The following SCN9A variants were observed in gnomAD, a reference collection of about 807,000 sequenced individuals.
SCN9A encodes sodium channel protein type 9 subunit alpha.
Under a neutral mutation model 187.0 loss-of-function variants are expected in SCN9A, and 131 were observed. The ratio of observed to expected loss-of-function variants is 0.70; its 90% CI spans 0.61 to 0.81. The LOEUF (loss-of-function observed/expected upper bound fraction) is 0.81. Ranked by LOEUF, SCN9A falls within the 30% of genes least tolerant of loss-of-function variation. SCN9A has a pLI of 0.00. For missense variants in SCN9A, 2,252 were observed against 2,396.6 expected, an observed-to-expected ratio of 0.94 and a Z score of 1.26; for synonymous variants, 809 against 808.6, an observed-to-expected ratio of 1.00 and a Z score of -0.01.
intron 20 of SCN9A, among the ~76,000 whole-genome samples, chr2:166,235,345 C>T (rs1295732317): frequency 3.9e-5 from 6 of 152,028 alleles, no homozygotes; most frequent in Admixed American, 3.9e-4. Flanking sequence ...TATAAACACA[C>T]ACGTATATAT....
At chr2:166,358,724 A>T (rs1181023248) in intron 1 of SCN9A, among the ~76,000 whole-genome samples, 1 of 152,180 alleles carries the variant, frequency 6.6e-6, no homozygotes, top group Non-Finnish European at 1.5e-5. Flanking sequence ...CTTAGAAAAT[A>T]ATTTCTACTT....
intron 1 of SCN9A, among the ~76,000 whole-genome samples, chr2:166,313,111 T>C (rs1366037861): frequency 6.7e-6 from 1 of 149,406 alleles, no homozygotes; most frequent in Admixed American, 6.7e-5. Flanking sequence ...ATTTTCTGAA[T>C]AGTAAATAAT....
chr2:166,368,754 T>TA (rs1393933867), intron 1 of SCN9A, among the ~76,000 whole-genome samples: 1 of 148,312 alleles, frequency 6.7e-6, no homozygotes, highest in Non-Finnish European at 1.5e-5. Flanking sequence ...TTGGGGGGCC[T>TA]AGGCGGGCAG....
At chr2:166,256,913 G>A (rs967643834) in intron 17 of SCN9A, among the ~76,000 whole-genome samples, 4 of 151,482 alleles carry the variant, frequency 2.6e-5, no homozygotes, top group African/African-American at 4.8e-5. Flanking sequence ...GAAAACTTAC[G>A]TGACTAAATG....
At chr2:166,341,293 T>C (rs2105282430) in intron 1 of SCN9A, among the ~76,000 whole-genome samples, 1 of 152,314 alleles carries the variant, frequency 6.6e-6, no homozygotes, top group Admixed American at 6.5e-5. Flanking sequence ...ATAGCAATGC[T>C]CTAAAATATA....
chr2:166,261,810 G>A (rs1187102295), intron 17 of SCN9A, among the ~76,000 whole-genome samples: 1 of 151,866 alleles, frequency 6.6e-6, no homozygotes, highest in East Asian at 1.9e-4. Flanking sequence ...GGCAGTAAGT[G>A]TACTCCCTAG....
intron 24 of SCN9A, among the ~76,000 whole-genome samples, chr2:166,221,727 C>T (rs957839111): frequency 1.2e-4 from 18 of 152,032 alleles, no homozygotes; most frequent in African/African-American, 4.4e-4. Flanking sequence ...AAATGTATAA[C>T]AAAGCTACAA....
intron 1 of SCN9A, among the ~76,000 whole-genome samples, chr2:166,329,004 G>A (rs1174625372): frequency 6.6e-6 from 1 of 151,900 alleles, no homozygotes; most frequent in Non-Finnish European, 1.5e-5. Flanking sequence ...TTCCCTTAAT[G>A]TACAATATAG....
In SCN9A at chr2:166,284,804, G is replaced by A. The variant is rs1193801446; in HGVS notation, c.1623C>T (p.Gly541=). ...TGCTTCGCCTTGCAGAAAACAAGGA[G>A]CCACGAATGCTGAGTGGTGACTGCA... is the stretch of plus-strand genomic sequence containing the variant. ...TPNQSPLSIR[G]SLFSARRSSR... The change falls in exon 12 of 27, where the codon GGC becomes GGT. Residue 541 remains glycine, a synonymous_variant. Transcript: ENST00000642356. 2 of 1,611,210 alleles carry A rather than the reference G, an allele frequency of 1.2e-6. No individual in the cohort carries two copies. Among genetic ancestry groups the A allele is most frequent in the African/African-American group, 1.3e-5 (1 of 74,792 alleles).
chr2:166,198,696 T>G lies in SCN9A; in HGVS notation c.5943A>C (p.Lys1981Asn). ...TCTATTTTTTGCTTTCCTTGCTGTCTTTCCCTTTGTCTTCCTTTTCTGTTC... is the reference window on the plus strand; with the variant it reads ...TCTATTTTTTGCTTTCCTTGCTGTCGTTCCCTTTGTCTTCCTTTTCTGTTC... ...QDRTEKEDKG[K>N]DSKESKK Residue 1981 changes from lysine to asparagine, a missense_variant, in exon 27 of 27, where the codon AAA (lysine) becomes AAC (asparagine). By Grantham distance (94) the Lys-to-Asn change is moderately conservative. Transcript: ENST00000642356. 6.2e-7 allele frequency: 1 copy of G among 1,604,626 alleles called. No individual in the cohort carries two copies. Among genetic ancestry groups the G allele is most frequent in the Non-Finnish European group, 8.5e-7 (1 of 1,176,028 alleles).
At chr2:166,359,837 A>G (rs1184824397) in intron 1 of SCN9A, among the ~76,000 whole-genome samples, 2 of 151,688 alleles carry the variant, frequency 1.3e-5, no homozygotes, top group Non-Finnish European at 2.9e-5. Flanking sequence ...CCCTGTAATA[A>G]TCATTTATAT....
chr2:166,289,256 A>G (rs6432895), intron 9 of SCN9A, among the ~76,000 whole-genome samples: 62,246 of 150,502 alleles, frequency 0.41, 13,043 homozygotes, highest in African/African-American at 0.49. Flanking sequence ...TTACATGGGT[A>G]GACACGTGCC....
intron 7 of SCN9A, chr2:166,302,603 T>C (rs1351256080): frequency 6.6e-6 from 1 of 151,582 alleles, no homozygotes; most frequent in Non-Finnish European, 1.5e-5. Context: ...ATCTTTATAT[T>C]TGATAATTAA....
intron 19 of SCN9A, among the ~76,000 whole-genome samples, 158 bp from the exon 20 acceptor site, chr2:166,238,425 CAGTT>C (rs1004213868): frequency 1.4e-4 from 22 of 152,124 alleles, no homozygotes; most frequent in African/African-American, 5.3e-4. Flanking sequence ...TATCATATAA[CAGTT>C]AGTTCTAGCC....
At chr2:166,200,098 C>A (rs62176596) in intron 26 of SCN9A, among the ~76,000 whole-genome samples, 2 of 141,214 alleles carry the variant, frequency 1.4e-5, no homozygotes, top group East Asian at 4.3e-4. Flanking sequence ...CCCGGGTTCA[C>A]GCCATTCTCC....
chr2:166,195,378 A>C lies in SCN9A; in HGVS notation c.*3294T>G, dbSNP rs988111823. ...GCTATTTATTTATTTTCATGAAGCA[A>C]TTCTTGATTGTTTTCCTCAAGAAGA... On this transcript the variant is annotated 3_prime_UTR_variant, in exon 27 of 27. Transcript: ENST00000642356. 13 of 152,162 alleles carry C rather than the reference A, an allele frequency of 8.5e-5. No individual in the cohort carries two copies. The highest frequency in any genetic ancestry group is 3.1e-4 in the African/African-American group (13 of 41,426). The allele number at this position is 152,162 out of a possible 1,614,324, so 9.4% of individuals were successfully genotyped here.
chr2:166,256,577 C>T lies in SCN9A; in HGVS notation c.3352-4692G>A, dbSNP rs538765661. On this transcript the variant is annotated intron_variant, in intron 17 of 26. Coordinates refer to ENST00000642356, the MANE Select transcript of SCN9A (RefSeq NM_001365536.1). ...TTAACTAGTTGCAATAAATTCTGGG[C>T]TCACATTCTAATTATGGGCAACTAA... Among the ~76,000 whole-genome samples, 3 of 151,470 alleles carry T rather than the reference C, an allele frequency of 2.0e-5. No homozygotes were observed. The East Asian group carries it at 5.8e-4, about 30-fold the overall frequency.
intron 1 of SCN9A, among the ~76,000 whole-genome samples, chr2:166,348,664 A>G (rs1699960919): frequency 6.6e-6 from 1 of 152,138 alleles, no homozygotes; most frequent in Non-Finnish European, 1.5e-5. Context: ...GGATTAACCC[A>G]CAAGGGCCTG....
At chr2:166,257,044 T>A (rs1696309107) in intron 17 of SCN9A, among the ~76,000 whole-genome samples, 1 of 151,642 alleles carries the variant, frequency 6.6e-6, no homozygotes, top group African/African-American at 2.4e-5. Flanking sequence ...ATCTTTCTAA[T>A]GAAAAGAAGA....
Sources: allele counts gnomAD v4.1 joint callset (sites outside exome capture counted in the v4.1 genomes callset), GRCh38; gene constraint gnomAD v4.1.1; transcripts MANE v1.5; gene names NCBI Gene and HGNC (gene_info 2026-07-23, HGNC 2026-07-21).